The following KRT8 variants were observed in gnomAD, a reference collection of about 807,000 sequenced individuals.
KRT8 encodes the protein keratin 8.
A neutral mutation model predicts 43.0 loss-of-function variants in KRT8; 24 were observed. That is an observed-to-expected ratio of 0.56 (90% CI 0.40 to 0.78). KRT8 has a LOEUF of 0.78. Among genes scored for constraint, KRT8 ranks in the 30% least tolerant of loss-of-function variants. The probability of loss-of-function intolerance (pLI) is 0.00; values close to 1 mark genes in which losing one functional copy is unlikely to be tolerated. For synonymous variants in KRT8, 214 were observed against 261.2 expected (o/e 0.82, Z 1.74); for missense variants, 492 against 638.4 (o/e 0.77, Z 2.47).
In KRT8 at chr12:52,918,373, T is replaced by C. The variant is rs371947877; in HGVS notation, c.-46-13346A>G. Among the ~76,000 whole-genome samples, 10 of 152,280 alleles carry C rather than the reference T, an allele frequency of 6.6e-5. No individual in the cohort carries two copies. In the East Asian group the frequency reaches 7.7e-4, roughly 12 times the overall value. ...GAGCCTCAGAAACATGCAGGCCTAC[T>C]GTATGCGCTGCATGCATCACCTCAT... On this transcript the variant is annotated intron_variant, in intron 2 of 6. Transcript: ENST00000546826.
At chr12:52,928,585 G>A (rs1206804987) in intron 2 of KRT8, among the ~76,000 whole-genome samples, 2 of 151,934 alleles carry the variant, frequency 1.3e-5, no homozygotes, top group Non-Finnish European at 2.9e-5. Flanking sequence ...TTGTAGTCAT[G>A]CTCATGTCAC....
At chr12:52,939,908 G>A (rs1942238499) in intron 2 of KRT8, among the ~76,000 whole-genome samples, 1 of 151,572 alleles carries the variant, frequency 6.6e-6, no homozygotes, top group South Asian at 2.1e-4. Flanking sequence ...AGACCAGCCT[G>A]GGCAACATAT....
At chr12:52,939,928 C>T (rs1328528666) in intron 2 of KRT8, among the ~76,000 whole-genome samples, 1 of 151,642 alleles carries the variant, frequency 6.6e-6, no homozygotes, top group Non-Finnish European at 1.5e-5. Flanking sequence ...TTGAGACCCT[C>T]ATCTCTACCA....
chr12:52,923,405 C>G (rs561352561), intron 2 of KRT8, among the ~76,000 whole-genome samples: 4 of 152,010 alleles, frequency 2.6e-5, no homozygotes, highest in Admixed American at 2.6e-4. Context: ...CCATTTATTC[C>G]TAAATTGTTT....
At chr12:52,941,228 GTC>G (rs1555190245) in intron 2 of KRT8, among the ~76,000 whole-genome samples, 1 of 148,842 alleles carries the variant, frequency 6.7e-6, no homozygotes, top group Non-Finnish European at 1.5e-5. Flanking sequence ...CACCACGCCC[GTC>G]TATAAATCTA....
chr12:52,900,079 G>A lies in KRT8; in HGVS notation c.691-14C>T, dbSNP rs1328128041. 1 of 1,611,856 alleles carries A rather than the reference G, an allele frequency of 6.2e-7. No individual in the cohort carries two copies. The highest frequency in any genetic ancestry group is 8.5e-7 in the Non-Finnish European group (1 of 1,179,986). ...CTCCCGGATCTCCTGTGGGGGAAGA[G>A]GGCAAGTGGTGAGGCCCTGTCTCTG... On this transcript the variant is annotated splice_polypyrimidine_tract_variant and intron_variant, in intron 4 of 7. Coordinates refer to ENST00000692008, the Ensembl canonical transcript of KRT8.
chr12:52,926,443 C>T (rs1452905164), intron 2 of KRT8: 2 of 1,535,832 alleles, frequency 1.3e-6, no homozygotes, highest in Admixed American at 2.0e-5. Context: ...CAGCTCACCC[C>T]ATTCATTCCG....
intron 2 of KRT8, among the ~76,000 whole-genome samples, chr12:52,938,171 T>TATATATATATATATA (rs1350561374): frequency 3.6e-3 from 107 of 29,622 alleles, no homozygotes; most frequent in Non-Finnish European, 4.4e-3. Flanking sequence ...TATATATATA[T>TATATATATATATATA]TTTTTTTTTT....
intron 2 of KRT8, among the ~76,000 whole-genome samples, chr12:52,914,462 A>G (rs1941696990): frequency 6.6e-6 from 1 of 152,064 alleles, no homozygotes; most frequent in Non-Finnish European, 1.5e-5. Flanking sequence ...GCTCGAAGCC[A>G]GGAGGTGGAG....
At chr12:52,929,831 A>T (rs1592181720) in intron 2 of KRT8, among the ~76,000 whole-genome samples, 1 of 152,242 alleles carries the variant, frequency 6.6e-6, no homozygotes, top group South Asian at 2.1e-4. Context: ...CTCAGGGATG[A>T]TGAATCCCAG....
At chr12:52,914,502 AC>A (rs1941698232) in intron 2 of KRT8, among the ~76,000 whole-genome samples, 1 of 152,158 alleles carries the variant, frequency 6.6e-6, no homozygotes, top group South Asian at 2.1e-4. Flanking sequence ...ATACCATTGC[AC>A]TCCAGCCTGG....
At chr12:52,909,052 A>AT (rs2120604038), upstream of KRT8, among the ~76,000 whole-genome samples, 1 of 152,356 alleles carries the variant, frequency 6.6e-6, no homozygotes, top group African/African-American at 2.4e-5. Context: ...GATGATGGTG[A>AT]AGCTGCACAA....
intron 2 of KRT8, among the ~76,000 whole-genome samples, chr12:52,930,409 T>C (rs572406756): frequency 2.6e-5 from 4 of 152,254 alleles, no homozygotes; most frequent in Admixed American, 2.6e-4. Context: ...TTAGTAGAGA[T>C]GGGGTTTCTC....
At chr12:52,909,076 C>T (rs1941580336), upstream of KRT8, among the ~76,000 whole-genome samples, 1 of 152,210 alleles carries the variant, frequency 6.6e-6, no homozygotes, top group Non-Finnish European at 1.5e-5. Context: ...TGTGAACATA[C>T]TAAAAATCAC....
At chr12:52,903,305 G>A (rs1034077470) in intron 1 of KRT8, among the ~76,000 whole-genome samples, 4 of 152,214 alleles carry the variant, frequency 2.6e-5, no homozygotes, top group African/African-American at 9.6e-5. Flanking sequence ...CTTGGCAAGG[G>A]AGTCCATAAC....
At chr12:52,906,117 T>G (rs1038877719), upstream of KRT8, among the ~76,000 whole-genome samples, 1 of 152,126 alleles carries the variant, frequency 6.6e-6, no homozygotes, top group African/African-American at 2.4e-5. Context: ...ACAGCACTTT[T>G]CCTGAACATA....
upstream of KRT8, among the ~76,000 whole-genome samples, chr12:52,909,475 A>C (rs966821914): frequency 5.3e-5 from 8 of 152,198 alleles, no homozygotes; most frequent in African/African-American, 1.9e-4. Context: ...TTCGATTGCT[A>C]ATTTTGTGTT....
intron 2 of KRT8, among the ~76,000 whole-genome samples, chr12:52,930,933 A>G (rs1333066140): frequency 2.0e-5 from 3 of 152,132 alleles, no homozygotes; most frequent in African/African-American, 7.2e-5. Context: ...CATTATTACT[A>G]CTTATCTAGA....
At chr12:52,925,380 G>A (rs1941969232) in intron 2 of KRT8, among the ~76,000 whole-genome samples, 2 of 152,162 alleles carry the variant, frequency 1.3e-5, no homozygotes, top group East Asian at 1.9e-4. Context: ...GAGACTGTGG[G>A]CCCCGAAGCA....
Sources: gnomAD v4.1 joint callset for allele counts (sites outside exome capture counted in the v4.1 genomes callset) on GRCh38, gnomAD v4.1.1 for gene constraint, MANE v1.5 for transcripts, NCBI Gene and HGNC (gene_info 2026-07-23, HGNC 2026-07-21) for gene names.